Variants in CNBD1 observed in about 807,000 individuals in gnomAD.
The protein encoded by CNBD1 is cyclic nucleotide binding domain containing 1, also known as cyclic nucleotide-binding domain-containing protein 1.
Under a neutral mutation model 54.4 loss-of-function variants are expected in CNBD1, and 71 were observed. The observed-to-expected ratio is 1.30, with a 90% confidence interval of 1.08 to 1.59. CNBD1 has a LOEUF of 1.59. Ranked by LOEUF, CNBD1 falls within the 40% of genes most tolerant of loss-of-function variation. CNBD1 has a pLI of 0.00. For synonymous variants in CNBD1, 182 were observed against 170.7 expected, an observed-to-expected ratio of 1.07 and a Z score of -0.51; for missense variants, 659 against 518.0, an observed-to-expected ratio of 1.27 and a Z score of -2.64.
chr8:86,884,882 C>G lies in CNBD1; in HGVS notation c.89-2660C>G, dbSNP rs892048916. Among the ~76,000 whole-genome samples, 9 of 152,234 alleles carry G rather than the reference C, an allele frequency of 5.9e-5. No homozygotes were observed. The South Asian group carries it at 1.9e-3, about 32-fold the overall frequency. On this transcript the variant is annotated intron_variant, in intron 1 of 10. Coordinates refer to ENST00000518476, the MANE Select transcript of CNBD1 (RefSeq NM_173538.3). ...AGTATGTACTCCAACTACTTTGAAG[C>G]CATTTTACACTGTGTTTTCCAGCTA...
rs1431736063 is a variant in CNBD1 at position 87,020,387 on chromosome 8, C to A, written c.431+80633C>A. ...ATAAGCATTCCTAGTGCCATGAAAC[C>A]TCACCAAATGACCAAATCAAACACC... On this transcript the variant is annotated intron_variant, in intron 4 of 10. Transcript: ENST00000518476. 7.9e-5 allele frequency among the ~76,000 whole-genome samples: 12 copies of A among 152,070 alleles called. No homozygotes were observed. In the East Asian group the frequency reaches 2.3e-3, roughly 29 times the overall value.
At chr8:87,389,253 C>A (rs545633439) in intron 2 of CNBD1, among the ~76,000 whole-genome samples, 33 of 152,192 alleles carry the variant, frequency 2.2e-4, no homozygotes, top group Admixed American at 1.6e-3. Flanking sequence ...CTGGCCAGGG[C>A]AATCAGGCAG....
At chr8:87,355,223 A>T (rs1014047522) in intron 10 of CNBD1, among the ~76,000 whole-genome samples, 1 of 152,218 alleles carries the variant, frequency 6.6e-6, no homozygotes, top group African/African-American at 2.4e-5. Context: ...GTTAGAATAT[A>T]TTAGCAATAT....
At chr8:86,967,231 C>T (rs1239254895) in intron 4 of CNBD1, among the ~76,000 whole-genome samples, 1 of 152,160 alleles carries the variant, frequency 6.6e-6, no homozygotes, top group Non-Finnish European at 1.5e-5. Context: ...GACACCTGGT[C>T]CTGTGCCTAG....
chr8:87,428,045 T>C (rs1340682223), intron 2 of CNBD1, among the ~76,000 whole-genome samples: 1 of 151,458 alleles, frequency 6.6e-6, no homozygotes, highest in Non-Finnish European at 1.5e-5. Context: ...TTTATTCTCA[T>C]ACATGCCCAT....
intron 4 of CNBD1, among the ~76,000 whole-genome samples, chr8:86,942,446 G>A (rs921476560): frequency 6.6e-6 from 1 of 152,168 alleles, no homozygotes. Context: ...CCTCTTCCAA[G>A]CTCAAATGGT....
intron 4 of CNBD1, among the ~76,000 whole-genome samples, chr8:87,156,677 C>G (rs1319458502): frequency 1.3e-5 from 2 of 152,034 alleles, no homozygotes; most frequent in Admixed American, 1.3e-4. Flanking sequence ...ATGCAATGCT[C>G]TTTGACAAAT....
chr8:87,336,882 G>A (rs555786265), intron 8 of CNBD1, among the ~76,000 whole-genome samples: 3 of 152,004 alleles, frequency 2.0e-5, no homozygotes, highest in Non-Finnish European at 4.4e-5. Context: ...GGTTTTTTTG[G>A]TGACTTTTTT....
At chr8:87,175,942 C>G (rs189053859) in intron 4 of CNBD1, among the ~76,000 whole-genome samples, 44 of 152,244 alleles carry the variant, frequency 2.9e-4, no homozygotes, top group African/African-American at 8.7e-4. Context: ...CTGAATACCC[C>G]CTCCATTGGT....
chr8:87,425,372 T>C (rs1334433064), intron 2 of CNBD1, among the ~76,000 whole-genome samples: 2 of 152,254 alleles, frequency 1.3e-5, no homozygotes, highest in African/African-American at 4.8e-5. Context: ...GGAGCTGCGT[T>C]CCTTTGGAGG....
intron 6 of CNBD1, among the ~76,000 whole-genome samples, chr8:87,263,097 A>G (rs897021887): frequency 9.2e-5 from 14 of 152,108 alleles, no homozygotes; most frequent in Non-Finnish European, 2.1e-4. Flanking sequence ...GTAAGATGTC[A>G]CCTGGAAAGA....
At chr8:87,327,997 C>G (rs1322216069) in intron 8 of CNBD1, among the ~76,000 whole-genome samples, 1 of 150,950 alleles carries the variant, frequency 6.6e-6, no homozygotes, top group Non-Finnish European at 1.5e-5. Flanking sequence ...AGTTTAATTT[C>G]TGGGATACAT....
rs115557622 is a variant in CNBD1, at chr8:87,354,117, G to A, written c.1303+331G>A. Among the ~76,000 whole-genome samples the A allele has an allele frequency of 3.1e-3, 477 of 152,200 alleles. 2 individuals are homozygous for A. Among genetic ancestry groups the A allele is most frequent in the African/African-American group, 0.011 (450 of 41,528 alleles). On this transcript the variant is annotated intron_variant, in intron 10 of 10. Coordinates refer to ENST00000518476, the MANE Select transcript of CNBD1 (RefSeq NM_173538.3). ...CCTGAACTGAAGTTGGAGAACCCAGGGCAACCAGCCCTGCTCTGTGTCCTG... is the reference window on the plus strand; with the variant it reads ...CCTGAACTGAAGTTGGAGAACCCAGAGCAACCAGCCCTGCTCTGTGTCCTG...
intron 4 of CNBD1, among the ~76,000 whole-genome samples, chr8:86,956,881 C>A (rs189959782): frequency 6.6e-6 from 1 of 152,092 alleles, no homozygotes; most frequent in Non-Finnish European, 1.5e-5. Flanking sequence ...ACAGGAGTGG[C>A]GAAAGAGGGC....
intron 4 of CNBD1, among the ~76,000 whole-genome samples, chr8:87,108,879 A>G (rs1190515826): frequency 6.6e-6 from 1 of 151,534 alleles, no homozygotes; most frequent in Non-Finnish European, 1.5e-5. Context: ...GGTCTATATT[A>G]TGGCCAAACA....
intron 4 of CNBD1, among the ~76,000 whole-genome samples, chr8:87,056,514 A>G (rs576558846): frequency 1.3e-5 from 2 of 152,348 alleles, no homozygotes; most frequent in South Asian, 4.1e-4. Context: ...TATATCATCA[A>G]TATAAATACG....
At chr8:87,193,506 A>T (rs1274360616) in intron 4 of CNBD1, among the ~76,000 whole-genome samples, 9 of 152,212 alleles carry the variant, frequency 5.9e-5, no homozygotes. Context: ...TCCAATTAAA[A>T]GTTGATTGTT....
At chr8:87,098,825 C>G (rs1331155867) in intron 4 of CNBD1, among the ~76,000 whole-genome samples, 1 of 150,644 alleles carries the variant, frequency 6.6e-6, no homozygotes, top group African/African-American at 2.4e-5. Context: ...ATCATGAGGT[C>G]AGGAGTTTGA....
intron 1 of CNBD1, among the ~76,000 whole-genome samples, chr8:86,877,232 T>C (rs929088695): frequency 1.3e-5 from 2 of 152,130 alleles, no homozygotes; most frequent in Admixed American, 6.6e-5. Context: ...TCTCCTCTGC[T>C]GAAACTTCAC....
Sources: gnomAD v4.1 joint callset for allele counts (sites outside exome capture counted in the v4.1 genomes callset) on GRCh38, gnomAD v4.1.1 for gene constraint, MANE v1.5 for transcripts, NCBI Gene and HGNC (gene_info 2026-07-23, HGNC 2026-07-21) for gene names.